A4GNT: variants seen among roughly 807,000 people sequenced by gnomAD.
A4GNT encodes the protein alpha-1,4-N-acetylglucosaminyltransferase.
In A4GNT, 6 loss-of-function variants were observed where a neutral mutation model predicts 8.3. The ratio of observed to expected loss-of-function variants is 0.72; its 90% confidence interval spans 0.39 to 1.42. A4GNT has a LOEUF of 1.42. Among genes scored for constraint, A4GNT ranks in the 40% most tolerant of loss-of-function variants. The probability of loss-of-function intolerance (pLI) is 0.02; values close to 1 mark genes in which losing one functional copy is unlikely to be tolerated. For missense variants in A4GNT, 377 were observed against 417.0 expected (o/e 0.90, Z 0.84); for synonymous variants, 157 against 159.8 (o/e 0.98, Z 0.13).
At chr3:138,125,995 T>G (rs1364948893) in intron 2 of A4GNT, among the ~76,000 whole-genome samples, 1 of 152,082 alleles carries the variant, frequency 6.6e-6, no homozygotes, top group Non-Finnish European at 1.5e-5. Flanking sequence ...TTTGAAAGGT[T>G]TAGAAGAAAG....
chr3:138,125,742 A>G (rs771574895), intron 2 of A4GNT, among the ~76,000 whole-genome samples: 1 of 152,034 alleles, frequency 6.6e-6, no homozygotes, highest in Non-Finnish European at 1.5e-5. Flanking sequence ...CTAACCACAG[A>G]CCTCCCTTCC....
chr3:138,126,393 T>A (rs1340367525), intron 2 of A4GNT, among the ~76,000 whole-genome samples: 1 of 151,316 alleles, frequency 6.6e-6, no homozygotes, highest in Non-Finnish European at 1.5e-5. Context: ...GTTTGTTTTT[T>A]AATTTTAAAT....
intron 2 of A4GNT, among the ~76,000 whole-genome samples, chr3:138,126,839 A>T (rs2042747598): frequency 6.7e-6 from 1 of 148,480 alleles, no homozygotes; most frequent in Non-Finnish European, 1.5e-5. Context: ...AAAAAATAAA[A>T]ATAAAAATAA....
At chr3:138,130,735 C>T (rs891083667) in intron 2 of A4GNT, 114 bp downstream of exon 2, 1 of 1,159,318 alleles carries the variant, frequency 8.6e-7, no homozygotes, top group Non-Finnish European at 1.2e-6. Context: ...AAAAGAGGGC[C>T]AAATGAGAGT....
chr3:138,124,184 A>C lies in A4GNT; in HGVS notation c.*80T>G. On this transcript the variant is annotated 3_prime_UTR_variant, in exon 3 of 3. Coordinates refer to ENST00000236709, the MANE Select transcript of A4GNT (RefSeq NM_016161.3). ...AACCCTCTGCCCACCCCGCCAAGAG[A>C]CAGTGGAGATCAAGTGAAAATGTGG... 2 of 1,524,084 alleles carry C rather than the reference A, an allele frequency of 1.3e-6. No homozygotes were observed. Among genetic ancestry groups the C allele is most frequent in the Non-Finnish European group, 8.9e-7 (1 of 1,128,168 alleles). The allele number at this position is 1,524,084 out of a possible 1,614,324, so 94.4% of individuals were successfully genotyped here. A position where few individuals can be genotyped will look rare whatever the true frequency, so the allele number is the denominator to read the frequency against.
intron 2 of A4GNT, 92 bp from the exon 3 acceptor site, chr3:138,124,970 G>T: frequency 6.8e-7 from 1 of 1,462,772 alleles, no homozygotes; most frequent in Non-Finnish European, 9.1e-7. Flanking sequence ...GCTGGGGAGG[G>T]GTTAAAGAAG....
At chr3:138,132,677 A>G (rs1421706658), upstream of A4GNT, among the ~76,000 whole-genome samples, 3 of 152,208 alleles carry the variant, frequency 2.0e-5, no homozygotes, top group African/African-American at 7.2e-5. Context: ...CTTGGAGCCA[A>G]CATATCCTGC....
At chr3:138,131,427 T>TA (rs376911300) in intron 1 of A4GNT, 145 bp from the exon 2 acceptor site, 8,063 of 675,908 alleles carry the variant, frequency 0.012, 13 homozygotes, top group Non-Finnish European at 0.012. Context: ...CCAGCAATAT[T>TA]AAAAAAAAAA....
Position 138,124,853 on chromosome 3 carries a change from C to T in A4GNT, c.434G>A (p.Trp145Ter), listed in dbSNP as rs1007836149. ...NQINASAERNWLHISSDASRL... is the reference protein window; with the variant it reads ...NQINASAERN ...GGATGCATCCGAGCTGATGTGGAGC[C>T]AGTTTCTCTCTGCGCTGGCGTTGAT... Residue 145 changes from tryptophan (W) to a stop codon, truncating the protein, a stop_gained, in exon 3 of 3, where the codon TGG (tryptophan) becomes TAG (stop). Coordinates refer to ENST00000236709, the MANE Select transcript of A4GNT (RefSeq NM_016161.3). LOFTEE classifies it low-confidence loss of function (END_TRUNC). 3.1e-6 allele frequency: 5 copies of T among 1,612,480 alleles called. No homozygotes were observed. The Admixed American group carries it at 5.0e-5, about 16-fold the overall frequency.
chr3:138,130,797 G>C (rs1160635630), intron 2 of A4GNT, 52 bp downstream of exon 2: 4 of 1,571,622 alleles, frequency 2.5e-6, no homozygotes, highest in Non-Finnish European at 3.5e-6. Context: ...CTTACCCTCA[G>C]TTTACCCATA....
chr3:138,133,262 G>T (rs1466925658), upstream of A4GNT, among the ~76,000 whole-genome samples: 1 of 152,184 alleles, frequency 6.6e-6, no homozygotes, highest in Non-Finnish European at 1.5e-5. Context: ...AAGGACCCCA[G>T]AAACAGCTTG....
chr3:138,131,169 G>A lies in A4GNT; in HGVS notation c.88C>T (p.Leu30Phe), dbSNP rs2042774990. ...GACTTGAAAGAAGGCAAACAGAAGA[G>A]GCAGCTGGACTTCAGGGTGAACTGG... Reference protein sequence around the residue: ...LYQFTLKSSCLFCLPSFKSHQ... With the variant: ...LYQFTLKSSCFFCLPSFKSHQ... The change falls in exon 2 of 3, where the codon CTC becomes TTC. Residue 30 changes from leucine (L) to phenylalanine (F), a missense_variant. Transcript: ENST00000236709. 6.2e-7 allele frequency: 1 copy of A among 1,613,272 alleles called. No individual in the cohort carries two copies. Among genetic ancestry groups the A allele is most frequent in the Non-Finnish European group, 8.5e-7 (1 of 1,179,550 alleles).
In A4GNT at chr3:138,130,893, T is replaced by C; in HGVS notation, c.364A>G (p.Lys122Glu). Residue 122 changes from lysine (K) to glutamate (E), a missense_variant, in exon 2 of 3, where the codon AAA becomes GAA. By Grantham distance (56) the Lys-to-Glu change is moderately conservative. Coordinates refer to ENST00000236709, the MANE Select transcript of A4GNT (RefSeq NM_016161.3). Reference protein sequence around the residue: ...DNVFLFPLDMKRLLEDTPLFS... With the variant: ...DNVFLFPLDMERLLEDTPLFS... ...AATGGTGTGTCTTCAAGCAGCCTTT[T>C]CATATCCAAAGGGAAGAGGAAAACG... 6.2e-7 allele frequency: 1 copy of C among 1,614,194 alleles called. No homozygotes were observed. The highest frequency in any genetic ancestry group is 8.5e-7 in the Non-Finnish European group (1 of 1,180,042).
rs1576521100 is a variant in A4GNT at position 138,124,456 on chromosome 3, T to C, written c.831A>G (p.Thr277=). Residue 277 remains threonine, a synonymous_variant, in exon 3 of 3, where the codon ACA becomes ACG. Coordinates refer to ENST00000236709, the MANE Select transcript of A4GNT (RefSeq NM_016161.3). ...EWRRYYEVWD[T]EPSFNVSYAL... ...CATAAGAGACATTGAAGCTTGGCTC[T>C]GTATCCCACACTTCATAGTAGCGCC... 6.2e-7 allele frequency: 1 copy of C among 1,614,224 alleles called. No homozygotes were observed.
At position 138,124,410 on chromosome 3, in the gene A4GNT, TGTG is replaced by T; in HGVS notation, c.874_876del (p.His292del). The T allele has an allele frequency of 6.2e-7, 1 of 1,614,238 alleles. No individual in the cohort carries two copies. Among genetic ancestry groups the T allele is most frequent in the Non-Finnish European group, 8.5e-7 (1 of 1,180,054 alleles). On this transcript the variant is annotated inframe_deletion, in exon 3 of 3. Coordinates refer to ENST00000236709, the MANE Select transcript of A4GNT (RefSeq NM_016161.3). ...ATCACAGCCCGCCCCTCCTGGTTCA[TGTG>T]GTTCCACAAATGCAGGGCATAAGAG... is the stretch of plus-strand genomic sequence containing the variant.
At chr3:138,127,446 T>G (rs1049962290) in intron 2 of A4GNT, among the ~76,000 whole-genome samples, 1 of 151,392 alleles carries the variant, frequency 6.6e-6, no homozygotes, top group African/African-American at 2.4e-5. Flanking sequence ...TGGTGGTGCG[T>G]GCTTGTAGTC....
intron 2 of A4GNT, 42 bp downstream of exon 2, chr3:138,130,807 A>G (rs780559337): frequency 9.4e-6 from 15 of 1,592,404 alleles, no homozygotes; most frequent in Non-Finnish European, 1.3e-5. Context: ...GTTTACCCAT[A>G]TATACAATTC....
At chr3:138,130,756 G>A (rs999181796) in intron 2 of A4GNT, 93 bp downstream of exon 2, 9 of 1,374,402 alleles carry the variant, frequency 6.5e-6, no homozygotes, top group Non-Finnish European at 8.9e-6. Context: ...CAACCCAAAT[G>A]TGGGTTCTAT....
chr3:138,127,813 C>T (rs1368378545), intron 2 of A4GNT, among the ~76,000 whole-genome samples: 1 of 152,116 alleles, frequency 6.6e-6, no homozygotes, highest in Admixed American at 6.5e-5. Flanking sequence ...CCTGTGGTGG[C>T]CTAACTGGGG....
Sources: allele counts gnomAD v4.1 joint callset (sites outside exome capture counted in the v4.1 genomes callset), GRCh38; gene constraint gnomAD v4.1.1; transcripts MANE v1.5; gene names NCBI Gene and HGNC (gene_info 2026-07-23, HGNC 2026-07-21).